ADAMTS15: variants seen among roughly 807,000 people sequenced by gnomAD.
ADAMTS15 encodes the protein ADAM metallopeptidase with thrombospondin type 1 motif 15.
A neutral mutation model predicts 79.1 loss-of-function variants in ADAMTS15; 35 were observed. That is an observed-to-expected ratio of 0.44 (90% CI 0.34 to 0.59). The LOEUF (loss-of-function observed/expected upper bound fraction) is 0.59, where lower values mean the gene tolerates loss of function less well. ADAMTS15 is among the 20% of genes least tolerant of loss of function. ADAMTS15 has a pLI of 0.02. For missense variants in ADAMTS15, 1,324 were observed against 1,318.7 expected (o/e 1.00, Z -0.06); for synonymous variants, 616 against 567.3 (o/e 1.09, Z -1.22).
Position 130,449,536 on chromosome 11 carries a change from T to C in ADAMTS15, c.563T>C (p.Leu188Pro). Residue 188 changes from leucine (L) to proline (P), a missense_variant, in exon 1 of 8, where the codon CTG becomes CCG. By Grantham distance (98) the Leu-to-Pro change is moderately conservative. Coordinates refer to ENST00000299164, the MANE Select transcript of ADAMTS15 (RefSeq NM_139055.4). The surrounding 1 kb of genome is among the most constrained non-coding windows in gnomAD (Gnocchi z 7.8). The stretch of plus-strand genomic sequence containing the variant: ...TGGAACCCCGCCATCCTACGGGCCC[T>C]GGACCCTTACAAGCCGCGGCGGGCG... ...SGWNPAILRA[L>P]DPYKPRRAGF... The C allele has an allele frequency of 6.3e-7, 1 of 1,575,216 alleles. No homozygotes were observed. The highest frequency in any genetic ancestry group is 8.6e-7 in the Non-Finnish European group (1 of 1,160,496).
At chr11:130,463,139 C>G (rs71483618) in intron 4 of ADAMTS15, among the ~76,000 whole-genome samples, 1 of 152,190 alleles carries the variant, frequency 6.6e-6, no homozygotes, top group Non-Finnish European at 1.5e-5. Flanking sequence ...GGCTCACTCG[C>G]TGGCTCATCC....
chr11:130,449,963 T>A lies in ADAMTS15; in HGVS notation c.957+33T>A. The A allele has an allele frequency of 1.3e-6, 2 of 1,588,450 alleles. No homozygotes were observed. The highest frequency in any genetic ancestry group is 1.7e-6 in the Non-Finnish European group (2 of 1,172,150). On this transcript the variant is annotated intron_variant, in intron 1 of 7. Coordinates refer to ENST00000299164, the MANE Select transcript of ADAMTS15 (RefSeq NM_139055.4). This position sits in a 1 kb window ranked among gnomAD's most constrained non-coding sequence, Gnocchi z 7.8. Reference sequence around the variant, plus strand: ...GATCTGCCGTCACTTTGCACCCAGATAGTCCCGTTCTTTAGGGTCACCTCC... The same window carrying A: ...GATCTGCCGTCACTTTGCACCCAGAAAGTCCCGTTCTTTAGGGTCACCTCC...
At chr11:130,450,141 G>A (rs1296937542) in intron 1 of ADAMTS15, 4 of 985,386 alleles carry the variant, frequency 4.1e-6, no homozygotes, top group Non-Finnish European at 4.8e-6. Context: ...CATTGGAGGA[G>A]AGCCTGCGCT....
rs754674583 is a variant in ADAMTS15, at chr11:130,470,976, A to G, written c.1777A>G (p.Ser593Gly). 5.0e-6 allele frequency: 8 copies of G among 1,613,798 alleles called. No individual in the cohort carries two copies. In the African/African-American group the frequency reaches 1.1e-4, roughly 22 times the overall value. Residue 593 changes from serine (S) to glycine (G), a missense_variant, in exon 6 of 8, where the codon AGC (serine) becomes GGC (glycine). Transcript: ENST00000299164. The part of the protein sequence containing the change: ...QCEAFNGYNH[S>G]TNRLTLAVAW... Reference sequence around the variant, plus strand: ...TGAGGCTTTCAACGGCTACAACCACAGCACCAACCGGCTCACTCTCGCCGT... The same window carrying G: ...TGAGGCTTTCAACGGCTACAACCACGGCACCAACCGGCTCACTCTCGCCGT...
At chr11:130,469,973 T>C (rs777856501) in intron 5 of ADAMTS15, among the ~76,000 whole-genome samples, 11 of 151,160 alleles carry the variant, frequency 7.3e-5, no homozygotes, top group Non-Finnish European at 1.0e-4. Flanking sequence ...AAAACTACAA[T>C]AGTAGTAGAA....
chr11:130,470,788 G>C (rs950435807), intron 5 of ADAMTS15, 132 bp from the exon 6 acceptor site: 28 of 999,264 alleles, frequency 2.8e-5, no homozygotes, highest in Non-Finnish European at 4.0e-5. Context: ...TTTCAGATGG[G>C]GGGAGGTTGC....
Position 130,453,119 on chromosome 11 carries a change from G to GT in ADAMTS15, c.957+3189_957+3190insT, listed in dbSNP as rs370725224. On this transcript the variant is annotated intron_variant, in intron 1 of 7. Transcript: ENST00000299164. The stretch of plus-strand genomic sequence containing the variant: ...TGTTGGGGAGGAGGGGCGTTCTCCT[G>GT]AATGCTGAAGCTAAGGAAGTGCTCC... Among the ~76,000 whole-genome samples the GT allele has an allele frequency of 5.0e-3, 769 of 152,306 alleles. 7 individuals are homozygous for GT. The highest frequency in any genetic ancestry group is 8.0e-3 in the Non-Finnish European group (541 of 68,036).
chr11:130,470,169 T>TGTATATATATATAC (rs1565397734), intron 5 of ADAMTS15, among the ~76,000 whole-genome samples: 25 of 61,226 alleles, frequency 4.1e-4, no homozygotes, highest in African/African-American at 2.4e-3. Context: ...TATATATATA[T>TGTATATATATATAC]ATATATATAT....
chr11:130,448,917 G>A lies in ADAMTS15; in HGVS notation c.-57G>A, dbSNP rs1937888570. 3 of 1,341,996 alleles carry A rather than the reference G, an allele frequency of 2.2e-6. No individual in the cohort carries two copies. Among genetic ancestry groups the A allele is most frequent in the Non-Finnish European group, 2.9e-6 (3 of 1,023,984 alleles). 83.1% of individuals were successfully genotyped at this position (1,341,996 alleles called of 1,614,324 possible). On this transcript the variant is annotated 5_prime_UTR_variant, in exon 1 of 8. Transcript: ENST00000299164. The stretch of plus-strand genomic sequence containing the variant: ...CGGGCTGCACGGAGACCGCGGCAGC[G>A]GCCGGAGAGCCCGGCCCAGCCCCTT...
At position 130,470,156 on chromosome 11, in the gene ADAMTS15, A is replaced by ACACATG. The variant is rs1565397647; in HGVS notation, c.1720+717_1720+718insCACATG. Reference sequence around the variant, plus strand: ...TACATATATATATATATATATGTGTATATATATATATATATATATATATAT... The same window carrying ACACATG: ...TACATATATATATATATATATGTGTACACATGTATATATATATATATATATATATAT... On this transcript the variant is annotated intron_variant, in intron 5 of 7. Transcript: ENST00000299164. Among the ~76,000 whole-genome samples, 105 of 44,384 alleles carry ACACATG rather than the reference A, an allele frequency of 2.4e-3. 5 individuals carry two copies. The highest frequency in any genetic ancestry group is 2.2e-3 in the African/African-American group (23 of 10,536). 29.1% of individuals were successfully genotyped at this position (44,384 alleles called of 152,430 possible).
chr11:130,471,324 G>A lies in ADAMTS15; in HGVS notation c.2019G>A (p.Gly673=). 4 of 1,612,706 alleles carry A rather than the reference G, an allele frequency of 2.5e-6. No individual in the cohort carries two copies. The highest frequency in any genetic ancestry group is 3.4e-6 in the Non-Finnish European group (4 of 1,179,718). The change falls in exon 7 of 8, where the codon GGG becomes GGA. Residue 673 remains glycine (G), a synonymous_variant. Transcript: ENST00000299164. ...LGSKKRFDKC[G]VCGGDNKSCK... is the part of the protein sequence containing the mutation. ...CCAAGAAGAGATTCGACAAGTGTGGGGTGTGTGGGGGAGACAATAAGAGCT... is the reference window on the plus strand; with the variant it reads ...CCAAGAAGAGATTCGACAAGTGTGGAGTGTGTGGGGGAGACAATAAGAGCT...
At chr11:130,455,498 T>C (rs144655481) in intron 1 of ADAMTS15, among the ~76,000 whole-genome samples, 156 of 152,288 alleles carry the variant, frequency 1.0e-3, no homozygotes, top group African/African-American at 3.6e-3. Context: ...GGCTGTTCAG[T>C]AGGTGATTGT....
At chr11:130,469,794 T>TCCTG (rs1938383261) in intron 5 of ADAMTS15, among the ~76,000 whole-genome samples, 1 of 152,176 alleles carries the variant, frequency 6.6e-6, no homozygotes, top group Non-Finnish European at 1.5e-5. Flanking sequence ...GCCCAGCCCA[T>TCCTG]CTTTGTAAGC....
chr11:130,462,843 T>C lies in ADAMTS15; in HGVS notation c.1542+63T>C. ...GAGGAGGGATGGAGACCCGGGGGCCTCGTCTGCCCTTGGTCTTCACCAGGA... is the reference window on the plus strand; with the variant it reads ...GAGGAGGGATGGAGACCCGGGGGCCCCGTCTGCCCTTGGTCTTCACCAGGA... On this transcript the variant is annotated intron_variant, in intron 4 of 7. Coordinates refer to ENST00000299164, the MANE Select transcript of ADAMTS15 (RefSeq NM_139055.4). This position sits in a 1 kb window ranked among gnomAD's most constrained non-coding sequence, Gnocchi z 4.3. 6.5e-7 allele frequency: 1 copy of C among 1,530,532 alleles called. No individual in the cohort carries two copies. Among genetic ancestry groups the C allele is most frequent in the Non-Finnish European group, 8.8e-7 (1 of 1,134,828 alleles). The allele number at this position is 1,530,532 out of a possible 1,614,324, so 94.8% of individuals were successfully genotyped here.
At chr11:130,450,068 T>C (rs1937931639) in intron 1 of ADAMTS15, 138 bp downstream of exon 1, 23 of 1,470,660 alleles carry the variant, frequency 1.6e-5, no homozygotes, top group Non-Finnish European at 2.1e-5. Flanking sequence ...TCCAACTCTG[T>C]GGAGTTTCCA....
chr11:130,457,063 T>C (rs898118099), intron 1 of ADAMTS15, among the ~76,000 whole-genome samples: 1 of 151,824 alleles, frequency 6.6e-6, no homozygotes, highest in Non-Finnish European at 1.5e-5. Flanking sequence ...TGAAACCCAG[T>C]CTCTACTCAA....
intron 1 of ADAMTS15, among the ~76,000 whole-genome samples, chr11:130,457,908 C>T (rs546723599): frequency 1.9e-4 from 29 of 152,220 alleles, no homozygotes; most frequent in Admixed American, 1.4e-3. Flanking sequence ...ACAGTGAAGA[C>T]GCTGGTTACT....
chr11:130,469,233 C>A, intron 4 of ADAMTS15, 29 bp from the exon 5 acceptor site: 1 of 1,368,726 alleles, frequency 7.3e-7, no homozygotes, highest in South Asian at 2.1e-5. Flanking sequence ...CTGGATCCAC[C>A]AAGGAATATA....
rs77135393 is a variant in ADAMTS15, at chr11:130,472,054, C to T, written c.2078+671C>T. Among the ~76,000 whole-genome samples, 24 of 152,368 alleles carry T rather than the reference C, an allele frequency of 1.6e-4. No homozygotes were observed. The East Asian group carries it at 4.6e-3, about 29-fold the overall frequency. The stretch of plus-strand genomic sequence containing the variant: ...CTAGTCCCAACTTCAGAATCTGGGC[C>T]TCCCAGCTTGAGCTTCCTGAGGTCA... On this transcript the variant is annotated intron_variant, in intron 7 of 7. Transcript: ENST00000299164. This position sits in a 1 kb window ranked among gnomAD's most constrained non-coding sequence, Gnocchi z 4.7.
Sources: gnomAD v4.1 joint callset for allele counts (sites outside exome capture counted in the v4.1 genomes callset) on GRCh38, gnomAD v4.1.1 for gene constraint, Gnocchi (gnomAD v3.1) non-coding constraint, MANE v1.5 for transcripts, NCBI Gene and HGNC (gene_info 2026-07-23, HGNC 2026-07-21) for gene names.